ABCB1: variants seen among roughly 807,000 people sequenced by gnomAD.
ABCB1 encodes the protein ATP binding cassette subfamily B member 1, also known as ATP-dependent translocase ABCB1.
Under a neutral mutation model 142.0 loss-of-function variants are expected in ABCB1, and 69 were observed. The observed-to-expected ratio is 0.49, with a 90% CI of 0.40 to 0.59. The LOEUF (loss-of-function observed/expected upper bound fraction) is 0.59, where lower values mean the gene tolerates loss of function less well. ABCB1 is among the 20% of genes least tolerant of loss of function. ABCB1 has a pLI of 0.00. For missense variants in ABCB1, 1,326 were observed against 1,554.7 expected (o/e 0.85, Z 2.47); for synonymous variants, 532 against 539.2 (o/e 0.99, Z 0.18).
intron 21 of ABCB1, 46 bp from the exon 22 acceptor site, chr7:87,520,922 T>C: frequency 7.1e-7 from 1 of 1,401,282 alleles, no homozygotes; most frequent in African/African-American, 1.4e-5. Context: ...GAGTAAATAG[T>C]GGTGATTAAT....
intron 7 of ABCB1, among the ~76,000 whole-genome samples, chr7:87,565,760 T>G (rs1258905964): frequency 2.6e-5 from 4 of 152,072 alleles, no homozygotes; most frequent in African/African-American, 9.7e-5. Flanking sequence ...AGTTTTTTTT[T>G]TTTGTTTTGT....
intron 1 of ABCB1, among the ~76,000 whole-genome samples, chr7:87,703,999 C>T (rs71562768): frequency 7.8e-6 from 1 of 128,440 alleles, no homozygotes; most frequent in Non-Finnish European, 1.6e-5. Flanking sequence ...CAGCTCACTG[C>T]AACCTCCACC....
chr7:87,608,281 G>A (rs774365377), intron 1 of ABCB1, among the ~76,000 whole-genome samples: 4 of 152,184 alleles, frequency 2.6e-5, no homozygotes, highest in Non-Finnish European at 5.9e-5. Flanking sequence ...GACAGTGAGT[G>A]TAAAGCAATC....
intron 4 of ABCB1, among the ~76,000 whole-genome samples, chr7:87,572,436 T>C (rs112157548): frequency 0.015 from 2,265 of 152,324 alleles, 67 homozygotes; most frequent in African/African-American, 0.051. Context: ...TTTATGTTTG[T>C]ATGTCCAATT....
At chr7:87,529,219 C>T (rs1815925367) in intron 21 of ABCB1, among the ~76,000 whole-genome samples, 1 of 152,126 alleles carries the variant, frequency 6.6e-6, no homozygotes, top group African/African-American at 2.4e-5. Flanking sequence ...CTTGATCTCT[C>T]TGAATCTTGG....
intron 1 of ABCB1, among the ~76,000 whole-genome samples, chr7:87,642,424 T>C: frequency 6.6e-6 from 1 of 152,088 alleles, no homozygotes; most frequent in East Asian, 1.9e-4. Context: ...TATTTTCATT[T>C]GTTCTTGGAT....
At chr7:87,534,925 A>AAAC (rs1325502945) in intron 20 of ABCB1, among the ~76,000 whole-genome samples, 6 of 140,996 alleles carry the variant, frequency 4.3e-5, no homozygotes, top group African/African-American at 1.5e-4. Flanking sequence ...TTTAAAAAAA[A>AAAC]AAAAAAAAAA....
chr7:87,591,770 G>T (rs148781247), intron 3 of ABCB1, among the ~76,000 whole-genome samples: 307 of 152,218 alleles, frequency 2.0e-3, no homozygotes, highest in African/African-American at 7.0e-3. Context: ...TATGCAGAAT[G>T]AAACTCAAAT....
At chr7:87,688,334 A>G (rs1467960302) in intron 1 of ABCB1, among the ~76,000 whole-genome samples, 1 of 151,890 alleles carries the variant, frequency 6.6e-6, no homozygotes, top group Non-Finnish European at 1.5e-5. Flanking sequence ...TAATCACTAC[A>G]TAGTTTCTAA....
chr7:87,680,311 A>G (rs1826800662), intron 1 of ABCB1, among the ~76,000 whole-genome samples: 1 of 150,696 alleles, frequency 6.6e-6, no homozygotes, highest in African/African-American at 2.5e-5. Flanking sequence ...AGTCTTTGCT[A>G]ATAACTCTTG....
At chr7:87,577,705 T>C (rs1584895857) in intron 4 of ABCB1, among the ~76,000 whole-genome samples, 2 of 152,260 alleles carry the variant, frequency 1.3e-5, no homozygotes, top group East Asian at 3.8e-4. Flanking sequence ...CATATACCTG[T>C]TTGCCATTTG....
Position 87,516,627 on chromosome 7 carries a change from C to T in ABCB1, c.2966G>A (p.Gly989Glu). 1.2e-6 allele frequency: 2 copies of T among 1,613,988 alleles called. No homozygotes were observed. The highest frequency in any genetic ancestry group is 1.7e-6 in the Non-Finnish European group (2 of 1,180,016). The change falls in exon 24 of 28, where the codon GGG becomes GAG. Residue 989 changes from glycine to glutamate, a missense_variant. Physicochemically the swap from Gly to Glu is moderately conservative, Grantham distance 98. Transcript: ENST00000622132. ...GTCAGGAGCAAATGAACTGACTTGC[C>T]CCACGGCCATGGCACCAAAGACAAC... ...SAVVFGAMAV[G>E]QVSSFAPDYA...
At chr7:87,515,083 G>A (rs1815167959) in intron 25 of ABCB1, 148 bp downstream of exon 25, 1 of 1,040,472 alleles carries the variant, frequency 9.6e-7, no homozygotes, top group Non-Finnish European at 1.4e-6. Flanking sequence ...GACACCACTT[G>A]GAGACCATAT....
chr7:87,579,116 T>C (rs1818398575), intron 4 of ABCB1, among the ~76,000 whole-genome samples: 1 of 152,270 alleles, frequency 6.6e-6, no homozygotes. Flanking sequence ...TCCTAATAGT[T>C]ATTTGTTGGA....
At chr7:87,590,640 T>C (rs867149781) in intron 3 of ABCB1, among the ~76,000 whole-genome samples, 14 of 152,206 alleles carry the variant, frequency 9.2e-5, no homozygotes, top group African/African-American at 3.1e-4. Context: ...CAGCTTGCTG[T>C]ATCCCAAGGA....
chr7:87,523,925 G>T (rs898435701), intron 21 of ABCB1, among the ~76,000 whole-genome samples: 18 of 152,288 alleles, frequency 1.2e-4, no homozygotes, highest in African/African-American at 4.3e-4. Flanking sequence ...GTCACCAAGA[G>T]AAATGACTCT....
At chr7:87,577,659 C>T (rs998922694) in intron 4 of ABCB1, among the ~76,000 whole-genome samples, 8 of 152,188 alleles carry the variant, frequency 5.3e-5, no homozygotes, top group Admixed American at 3.3e-4. Flanking sequence ...TTTTGACTTG[C>T]ATTTCTCTGA....
chr7:87,600,194 A>T lies in ABCB1; in HGVS notation c.-6-4T>A, dbSNP rs771041692. 10 of 1,613,588 alleles carry T rather than the reference A, an allele frequency of 6.2e-6. No individual in the cohort carries two copies. Among genetic ancestry groups the T allele is most frequent in the Admixed American group, 1.7e-5 (1 of 59,996 alleles). On this transcript the variant is annotated splice_region_variant and splice_polypyrimidine_tract_variant and intron_variant, in intron 1 of 27. Coordinates refer to ENST00000622132, the MANE Select transcript of ABCB1 (RefSeq NM_001348946.2). ...CCCCTTCAAGATCCATTCCGACCTG[A>T]AGAGAAACCGCAGCTCATTAGCCAA...
chr7:87,677,400 A>G (rs895840713), intron 1 of ABCB1, among the ~76,000 whole-genome samples: 1 of 152,076 alleles, frequency 6.6e-6, no homozygotes, highest in Non-Finnish European at 1.5e-5. Context: ...TCAATAAACT[A>G]CATGAAATAT....
Sources: allele counts gnomAD v4.1 joint callset (sites outside exome capture counted in the v4.1 genomes callset), GRCh38; gene constraint gnomAD v4.1.1; transcripts MANE v1.5; gene names NCBI Gene and HGNC (gene_info 2026-07-23, HGNC 2026-07-21).